POU6F1: variants seen among roughly 807,000 people sequenced by gnomAD.
The protein encoded by POU6F1 is POU class 6 homeobox 1.
In POU6F1, 9 loss-of-function variants were observed where a neutral mutation model predicts 28.9. The observed-to-expected ratio is 0.31, with a 90% CI of 0.19 to 0.54. The LOEUF is 0.54. POU6F1 is among the 20% of genes least tolerant of loss of function. POU6F1 has a pLI of 0.94. For synonymous variants in POU6F1, 173 were observed against 171.1 expected (o/e 1.01, Z -0.09); for missense variants, 338 against 426.1 (o/e 0.79, Z 1.82).
intron 2 of POU6F1, among the ~76,000 whole-genome samples, chr12:51,205,034 C>CTTTTT (rs767521766): frequency 3.5e-5 from 4 of 113,660 alleles, no homozygotes; most frequent in Non-Finnish European, 5.5e-5. Context: ...TGGACTGCAG[C>CTTTTT]TTTTTTTTTT....
At chr12:51,213,107 T>C (rs1944111394) in intron 1 of POU6F1, among the ~76,000 whole-genome samples, 1 of 152,106 alleles carries the variant, frequency 6.6e-6, no homozygotes, top group Non-Finnish European at 1.5e-5. Context: ...AGGCTGATTT[T>C]TGTATTTTTA....
At position 51,217,463 on chromosome 12, in the gene POU6F1, C is replaced by CCCCGCCGCCCCGGCCCAGCAT. The variant is rs1023891596; in HGVS notation, c.-48+158_-48+178dup. On this transcript the variant is annotated intron_variant, in intron 1 of 10. Coordinates refer to ENST00000333640, the MANE Select transcript of POU6F1 (RefSeq NM_001330422.2). The surrounding 1 kb of genome is among the most constrained non-coding windows in gnomAD (Gnocchi z 5.3). ...CGCGCGCTGTCCCGCTCCCGCAGCT[C>CCCCGCCGCCCCGGCCCAGCAT]CCCGCCGCCCCGGCCCAGCATCCCG... is the stretch of plus-strand genomic sequence containing the variant. 6.6e-6 allele frequency among the ~76,000 whole-genome samples: 1 copy of CCCCGCCGCCCCGGCCCAGCAT among 151,968 alleles called. No homozygotes were observed. The highest frequency in any genetic ancestry group is 2.4e-5 in the African/African-American group (1 of 41,416).
intron 2 of POU6F1, among the ~76,000 whole-genome samples, chr12:51,206,316 G>C (rs1467998885): frequency 6.6e-6 from 1 of 150,872 alleles, no homozygotes; most frequent in African/African-American, 2.4e-5. Context: ...CCAGCTACTC[G>C]GGAGGCTGAG....
intron 1 of POU6F1, among the ~76,000 whole-genome samples, chr12:51,210,112 A>AT (rs1329583459): frequency 6.6e-6 from 1 of 151,938 alleles, no homozygotes; most frequent in Non-Finnish European, 1.5e-5. Flanking sequence ...TGGCCAGCTA[A>AT]TTTTTTTTAT....
intron 9 of POU6F1, 22 bp downstream of exon 9, chr12:51,192,308 T>C (rs1304866811): frequency 1.2e-6 from 2 of 1,612,716 alleles, no homozygotes; most frequent in East Asian, 2.2e-5. Flanking sequence ...TTCTCCACAC[T>C]ACTTCTCCAG....
chr12:51,190,467 C>T lies in POU6F1; in HGVS notation c.1616G>A (p.Gly539Asp). The T allele has an allele frequency of 1.2e-6, 2 of 1,614,156 alleles. No homozygotes were observed. Among genetic ancestry groups the T allele is most frequent in the Non-Finnish European group, 8.5e-7 (1 of 1,180,034 alleles). Residue 539 changes from glycine (G) to aspartate (D), a missense_variant, in exon 11 of 11, where the codon GGC (glycine) becomes GAC (aspartate). Gly to Asp is a moderately conservative substitution (Grantham distance 94). Around this residue, in one of 3 missense-constraint regions of POU6F1, gnomAD observed 126 missense variants for 176.5 expected, o/e 0.71. Coordinates refer to ENST00000333640, the MANE Select transcript of POU6F1 (RefSeq NM_001330422.2). This position sits in a 1 kb window ranked among gnomAD's most constrained non-coding sequence, Gnocchi z 4.5. ...GQQNLMEFVG[G>D]EPSKKRKRRT... ...GCGTTTGCGTTTCTTGGAGGGCTCG[C>T]CTCCCACAAACTCCATCAGGTTCTG...
rs992102834 is a variant in POU6F1, at chr12:51,189,100, CA to C, written c.*1146del. 2.6e-5 allele frequency: 4 copies of C among 152,094 alleles called. No individual in the cohort carries two copies. The highest frequency in any genetic ancestry group is 5.9e-5 in the Non-Finnish European group (4 of 68,032). The allele number at this position is 152,094 out of a possible 1,614,324, so 9.4% of individuals were successfully genotyped here. A position where few individuals can be genotyped will look rare whatever the true frequency, so the allele number is the denominator to read the frequency against. Reference sequence around the variant, plus strand: ...CACACAGACATGGTCTGAGACTCGACAAAATGAGATTTCTCCTCCCGTATCC... The same window carrying C: ...CACACAGACATGGTCTGAGACTCGACAAATGAGATTTCTCCTCCCGTATCC... On this transcript the variant is annotated 3_prime_UTR_variant, in exon 11 of 11. Coordinates refer to ENST00000333640, the MANE Select transcript of POU6F1 (RefSeq NM_001330422.2).
chr12:51,203,587 C>T (rs1565621433), intron 3 of POU6F1, among the ~76,000 whole-genome samples: 1 of 152,194 alleles, frequency 6.6e-6, no homozygotes, highest in Non-Finnish European at 1.5e-5. Context: ...TGTGGCCATG[C>T]AGTTTCTTGT....
intron 7 of POU6F1, 75 bp from the exon 8 acceptor site, chr12:51,196,248 C>A: frequency 8.1e-7 from 1 of 1,233,970 alleles, no homozygotes; most frequent in East Asian, 2.7e-5. Flanking sequence ...ATCCCCACAC[C>A]ACCAGGGGAA....
intron 3 of POU6F1, among the ~76,000 whole-genome samples, chr12:51,200,376 G>A (rs572642148): frequency 1.2e-3 from 180 of 152,182 alleles, no homozygotes; most frequent in African/African-American, 4.1e-3. Flanking sequence ...AACAGTCCCT[G>A]AAAATTGGAC....
In POU6F1 at chr12:51,218,004, T is replaced by C; in HGVS notation, c.-410A>G. On this transcript the variant is annotated 5_prime_UTR_variant, in exon 1 of 11. Coordinates refer to ENST00000333640, the MANE Select transcript of POU6F1 (RefSeq NM_001330422.2). The stretch of plus-strand genomic sequence containing the variant: ...CCCCCCCTTTTCCCTCCCCCCCTTT[T>C]TTCCCTCCTTCTGCTACTTGGATTT... Among the ~76,000 whole-genome samples, 1 of 151,550 alleles carries C rather than the reference T, an allele frequency of 6.6e-6. No homozygotes were observed.
At chr12:51,202,995 T>C (rs750939588) in intron 3 of POU6F1, among the ~76,000 whole-genome samples, 17 of 152,100 alleles carry the variant, frequency 1.1e-4, no homozygotes, top group Non-Finnish European at 2.2e-4. Context: ...ACCTAGGAAG[T>C]TTCCACCGCT....
In POU6F1 at chr12:51,209,673, G is replaced by C. The variant is rs374425885; in HGVS notation, c.-47-2790C>G. 4.6e-5 allele frequency among the ~76,000 whole-genome samples: 7 copies of C among 152,154 alleles called. No individual in the cohort carries two copies. The East Asian group carries it at 9.6e-4, about 21-fold the overall frequency. ...ATGGAATTGCTGGATCACCCCTGGGGTTTTAGCATCTTCATTGCTTGGCAG... is the reference window on the plus strand; with the variant it reads ...ATGGAATTGCTGGATCACCCCTGGGCTTTTAGCATCTTCATTGCTTGGCAG... On this transcript the variant is annotated intron_variant, in intron 1 of 10. Transcript: ENST00000333640.
Position 51,190,631 on chromosome 12 carries a change from A to T in POU6F1, c.1491-39T>A. 6.3e-7 allele frequency: 1 copy of T among 1,597,878 alleles called. No homozygotes were observed. The highest frequency in any genetic ancestry group is 8.5e-7 in the Non-Finnish European group (1 of 1,171,746). ...ATACCCAGGAAGAGGCAGTGAGAGCATGTTGGTCTCTTTGGCACACCCCGC... is the reference window on the plus strand; with the variant it reads ...ATACCCAGGAAGAGGCAGTGAGAGCTTGTTGGTCTCTTTGGCACACCCCGC... On this transcript the variant is annotated intron_variant, in intron 10 of 10. Coordinates refer to ENST00000333640, the MANE Select transcript of POU6F1 (RefSeq NM_001330422.2). The surrounding 1 kb of genome is among the most constrained non-coding windows in gnomAD (Gnocchi z 4.5).
chr12:51,210,503 T>C (rs895060044), intron 1 of POU6F1, among the ~76,000 whole-genome samples: 3 of 152,124 alleles, frequency 2.0e-5, no homozygotes, highest in African/African-American at 4.8e-5. Context: ...CTGCTCATAG[T>C]CTTGTTGTGG....
intron 1 of POU6F1, among the ~76,000 whole-genome samples, chr12:51,212,877 G>C (rs1038143052): frequency 4.0e-5 from 6 of 151,682 alleles, no homozygotes; most frequent in Non-Finnish European, 7.4e-5. Flanking sequence ...TTTCATGGTG[G>C]GTGAACAGAA....
intron 2 of POU6F1, among the ~76,000 whole-genome samples, chr12:51,204,734 C>T (rs547199477): frequency 1.3e-5 from 2 of 152,286 alleles, no homozygotes; most frequent in East Asian, 3.9e-4. Flanking sequence ...CTCTTGGCAG[C>T]TAGGATCTTC....
At chr12:51,216,513 G>T (rs1944292175) in intron 1 of POU6F1, among the ~76,000 whole-genome samples, 1 of 152,190 alleles carries the variant, frequency 6.6e-6, no homozygotes, top group African/African-American at 2.4e-5. Context: ...CACTGAGTGG[G>T]TATTTTTGTT....
rs114249335 is a variant in POU6F1, at chr12:51,215,624, C to T, written c.-48+2018G>A. ...ATTGGGTTCTGGAGAACCCAGACCA[C>T]ACTGGCCCCTTCCTAAAGCGCCCGT... On this transcript the variant is annotated intron_variant, in intron 1 of 10. Transcript: ENST00000333640. Among the ~76,000 whole-genome samples, 812 of 150,284 alleles carry T rather than the reference C, an allele frequency of 5.4e-3. 12 individuals are homozygous for T. Among genetic ancestry groups the T allele is most frequent in the African/African-American group, 0.018 (750 of 40,810 alleles).
Sources: gnomAD v4.1 joint callset for allele counts (sites outside exome capture counted in the v4.1 genomes callset) on GRCh38, gnomAD v4.1.1 for gene constraint, gnomAD v4.1.1 regional missense constraint, Gnocchi (gnomAD v3.1) non-coding constraint, MANE v1.5 for transcripts, NCBI Gene and HGNC (gene_info 2026-07-23, HGNC 2026-07-21) for gene names.